Variants in NOTCH2 observed in about 807,000 individuals in gnomAD.
NOTCH2 encodes the protein notch receptor 2.
NOTCH2 carries 29 observed loss-of-function variants against 235.8 expected under a neutral mutation model. That is an observed-to-expected ratio of 0.12 (90% CI 0.09 to 0.17). NOTCH2 has a LOEUF of 0.17. NOTCH2 is among the 10% of genes least tolerant of loss of function. The pLI, the probability that NOTCH2 is intolerant of heterozygous loss-of-function variation, is 1.00. For missense variants in NOTCH2, 2,285 were observed against 3,150.2 expected (o/e 0.73, Z 6.57); for synonymous variants, 1,086 against 1,141.5 (o/e 0.95, Z 0.98).
chr1:119,983,515 A>G (rs1651897209), intron 5 of NOTCH2, among the ~76,000 whole-genome samples: 1 of 152,210 alleles, frequency 6.6e-6, no homozygotes, highest in South Asian at 2.1e-4. Flanking sequence ...CATTAGCCAT[A>G]TTTCAGATGC....
intron 19 of NOTCH2, 33 bp downstream of exon 19, chr1:119,940,522 G>T: frequency 6.3e-7 from 1 of 1,581,712 alleles, no homozygotes; most frequent in South Asian, 1.1e-5. Context: ...GCTGCTCTAG[G>T]GGAGCTGAGT....
intron 1 of NOTCH2, among the ~76,000 whole-genome samples, chr1:120,031,997 TC>T (rs1263490462): frequency 1.9e-4 from 13 of 68,380 alleles, no homozygotes; most frequent in Non-Finnish European, 2.2e-4. Flanking sequence ...AGTGAGAACT[TC>T]CGGGGTTTTT....
At chr1:120,014,399 C>T (rs1347971800) in intron 2 of NOTCH2, among the ~76,000 whole-genome samples, 1 of 152,060 alleles carries the variant, frequency 6.6e-6, no homozygotes, top group Non-Finnish European at 1.5e-5. Flanking sequence ...TGGTGAGAAC[C>T]CCATCTCAAA....
At chr1:119,983,314 C>A (rs1651883304) in intron 5 of NOTCH2, among the ~76,000 whole-genome samples, 1 of 151,880 alleles carries the variant, frequency 6.6e-6, no homozygotes, top group Non-Finnish European at 1.5e-5. Context: ...CCACCACACC[C>A]AGCTAATTTT....
Position 119,955,156 on chromosome 1 carries a change from C to G in NOTCH2, c.2103G>C (p.Val701=), listed in dbSNP as rs587752252. The G allele has an allele frequency of 6.2e-7, 1 of 1,614,036 alleles. No homozygotes were observed. The highest frequency in any genetic ancestry group is 8.5e-7 in the Non-Finnish European group (1 of 1,180,024). The part of the protein sequence containing the change: ...CRKGATCING[V]NGFRCICPEG... ...CGGGGCATATACAGCGGAAACCATT[C>G]ACACCGTTGATACATGTTGCACCCT... Residue 701 remains valine (V), a synonymous_variant, in exon 13 of 34, where the codon GTG becomes GTC. Coordinates refer to ENST00000256646, the MANE Select transcript of NOTCH2 (RefSeq NM_024408.4).
intron 9 of NOTCH2, 81 bp from the exon 10 acceptor site, chr1:119,965,647 G>T (rs782658296): frequency 1.0e-5 from 10 of 992,480 alleles, no homozygotes; most frequent in Non-Finnish European, 1.6e-5. Context: ...TAGGTTACTA[G>T]CAGGGCTTAT....
chr1:120,045,776 A>G lies in NOTCH2; in HGVS notation c.74-15789T>C, dbSNP rs587615861. 1.2e-4 allele frequency among the ~76,000 whole-genome samples: 18 copies of G among 152,382 alleles called. No individual in the cohort carries two copies. The South Asian group carries it at 2.5e-3, about 21-fold the overall frequency. On this transcript the variant is annotated intron_variant, in intron 1 of 33. Coordinates refer to ENST00000256646, the MANE Select transcript of NOTCH2 (RefSeq NM_024408.4). ...GCAAAGGGATATTTGAAACGTGGGG[A>G]GTAAAAGATAAGCTACAAACAAAAG... is the stretch of plus-strand genomic sequence containing the variant.
At chr1:119,999,972 AAAGAAAGGAAGGAAGGAAGGAAGG>A (rs1652673103) in intron 3 of NOTCH2, among the ~76,000 whole-genome samples, 1 of 61,618 alleles carries the variant, frequency 1.6e-5, no homozygotes, top group Non-Finnish European at 3.5e-5. Flanking sequence ...AGAAAGAAAG[AAAGAAAGGAAGGAAGGAAGGAAGG>A]AAGGAAGGAA....
intron 1 of NOTCH2, among the ~76,000 whole-genome samples, chr1:120,063,174 T>C (rs1553216531): frequency 1.3e-5 from 2 of 151,954 alleles, no homozygotes. Context: ...CAGATTGTTT[T>C]GTTCTGCTCA....
Position 119,914,888 on chromosome 1 carries a change from T to G in NOTCH2, c.*418A>C. ...AAGGAGGAGGAGATGCGTAGGTCAA[T>G]TCAGGCAGAATTCCAGGGCATAATT... is the stretch of plus-strand genomic sequence containing the variant. On this transcript the variant is annotated 3_prime_UTR_variant, in exon 34 of 34. Transcript: ENST00000256646. 1 of 363,290 alleles carries G rather than the reference T, an allele frequency of 2.8e-6. No homozygotes were observed. Among genetic ancestry groups the G allele is most frequent in the South Asian group, 3.7e-5 (1 of 26,976 alleles). 22.5% of individuals were successfully genotyped at this position (363,290 alleles called of 1,614,324 possible).
At chr1:119,938,896 G>A (rs1207461189) in intron 19 of NOTCH2, among the ~76,000 whole-genome samples, 1 of 152,088 alleles carries the variant, frequency 6.6e-6, no homozygotes, top group Admixed American at 6.5e-5. Context: ...TAGCCAGGAC[G>A]GTCTCGATCT....
intron 8 of NOTCH2, 43 bp from the exon 9 acceptor site, chr1:119,966,532 G>T (rs1181420572): frequency 2.1e-6 from 3 of 1,396,678 alleles, no homozygotes; most frequent in Admixed American, 3.3e-5. Context: ...GAGAGAGAAA[G>T]GTGTATTCCA....
In NOTCH2 at chr1:119,946,785, C is replaced by T. The variant is rs148773234; in HGVS notation, c.2752+1629G>A. Among the ~76,000 whole-genome samples, 973 of 152,124 alleles carry T rather than the reference C, an allele frequency of 6.4e-3. 6 individuals are homozygous for T. The highest frequency in any genetic ancestry group is 0.021 in the South Asian group (100 of 4,820). On this transcript the variant is annotated intron_variant, in intron 17 of 33. Coordinates refer to ENST00000256646, the MANE Select transcript of NOTCH2 (RefSeq NM_024408.4). ...CAAGGTAAGGCTTCTCTCACCACTT[C>T]TATTCTGTATTTATTGAAGATCTTA... is the stretch of plus-strand genomic sequence containing the variant.
rs778053419 is a variant in NOTCH2, at chr1:119,917,775, A to T, written c.5930-13T>A. ...AGAGCAGATTTTCCTGCAGGGGAGAAACATTTTTATAAACAGACATATCCT... is the reference window on the plus strand; with the variant it reads ...AGAGCAGATTTTCCTGCAGGGGAGATACATTTTTATAAACAGACATATCCT... On this transcript the variant is annotated splice_polypyrimidine_tract_variant and intron_variant, in intron 32 of 33. Transcript: ENST00000256646. The T allele has an allele frequency of 1.2e-5, 18 of 1,517,458 alleles. No homozygotes were observed. Among genetic ancestry groups the T allele is most frequent in the Non-Finnish European group, 1.6e-5 (17 of 1,092,040 alleles). The allele number at this position is 1,517,458 out of a possible 1,614,324, so 94.0% of individuals were successfully genotyped here.
chr1:120,058,347 T>C (rs1185697079), intron 1 of NOTCH2, among the ~76,000 whole-genome samples: 1 of 150,158 alleles, frequency 6.7e-6, no homozygotes, highest in Non-Finnish European at 1.5e-5. Context: ...CTACTAAAAC[T>C]ACAAAAAATT....
At chr1:120,047,765 G>GTTT (rs782246481) in intron 1 of NOTCH2, among the ~76,000 whole-genome samples, 5 of 109,274 alleles carry the variant, frequency 4.6e-5, no homozygotes, top group African/African-American at 1.3e-4. Flanking sequence ...CTTTACCTTG[G>GTTT]TTTTTTTTTT....
At chr1:119,939,503 G>A (rs1189450881) in intron 19 of NOTCH2, among the ~76,000 whole-genome samples, 1 of 152,194 alleles carries the variant, frequency 6.6e-6, no homozygotes, top group Non-Finnish European at 1.5e-5. Flanking sequence ...GTGAATATGG[G>A]TAAAAGGACT....
chr1:119,953,167 C>T (rs587672257), intron 14 of NOTCH2, among the ~76,000 whole-genome samples: 16 of 152,132 alleles, frequency 1.1e-4, no homozygotes, highest in South Asian at 2.1e-4. Flanking sequence ...CAAAATTAGC[C>T]GGGTGTGGTG....
rs916779585 is a variant in NOTCH2, at chr1:119,914,369, T to C, written c.*937A>G. 3.0e-5 allele frequency: 7 copies of C among 232,936 alleles called. No homozygotes were observed. The highest frequency in any genetic ancestry group is 1.5e-4 in the African/African-American group (7 of 45,280). The allele number at this position is 232,936 out of a possible 1,614,324, so 14.4% of individuals were successfully genotyped here. A position where few individuals can be genotyped will look rare whatever the true frequency, so the allele number is the denominator to read the frequency against. On this transcript the variant is annotated 3_prime_UTR_variant, in exon 34 of 34. Transcript: ENST00000256646. ...TCCAACATTCCAAACCTTTTTCTGG[T>C]TTTAAAAAAGTGGGGAGGGTCATAG... is the stretch of plus-strand genomic sequence containing the variant.
Sources: allele counts gnomAD v4.1 joint callset (sites outside exome capture counted in the v4.1 genomes callset), GRCh38; gene constraint gnomAD v4.1.1; transcripts MANE v1.5; gene names NCBI Gene and HGNC (gene_info 2026-07-23, HGNC 2026-07-21).